DOCK5: variants seen among roughly 807,000 people sequenced by gnomAD.
DOCK5 encodes dedicator of cytokinesis 5, also known as dedicator of cytokinesis protein 5.
In DOCK5, 142 loss-of-function variants were observed where a neutral mutation model predicts 251.8. The observed-to-expected ratio is 0.56, with a 90% CI of 0.49 to 0.65. The LOEUF is 0.65. DOCK5 is among the 30% of genes least tolerant of loss of function. The pLI is 0.00. For missense variants in DOCK5, 2,111 were observed against 2,312.3 expected (o/e 0.91, Z 1.79); for synonymous variants, 842 against 835.5 (o/e 1.01, Z -0.13).
intron 47 of DOCK5, among the ~76,000 whole-genome samples, chr8:25,402,183 C>T (rs1420815615): frequency 6.6e-6 from 1 of 152,198 alleles, no homozygotes; most frequent in Non-Finnish European, 1.5e-5. Flanking sequence ...GGCTGAAGTG[C>T]AGTGCGAGAT....
intron 51 of DOCK5, 143 bp downstream of exon 51, chr8:25,410,345 G>C (rs1017222740): frequency 1.3e-5 from 9 of 686,320 alleles, no homozygotes; most frequent in African/African-American, 1.3e-4. Flanking sequence ...TGAAACCACA[G>C]GAGATAGAGA....
chr8:25,235,780 A>AT (rs975584398), intron 1 of DOCK5, among the ~76,000 whole-genome samples: 33 of 144,762 alleles, frequency 2.3e-4, no homozygotes, highest in African/African-American at 8.2e-4. Context: ...TAAGATAGAG[A>AT]TTTTTTTCTT....
chr8:25,243,423 C>T (rs986630165), intron 1 of DOCK5, among the ~76,000 whole-genome samples: 5 of 151,252 alleles, frequency 3.3e-5, no homozygotes, highest in East Asian at 1.9e-4. Flanking sequence ...CTCTGCTGCC[C>T]GGGTTCAAGC....
At chr8:25,250,758 G>GTGCT (rs1387730744) in intron 2 of DOCK5, among the ~76,000 whole-genome samples, 25 of 152,182 alleles carry the variant, frequency 1.6e-4, no homozygotes, top group Admixed American at 1.3e-3. Context: ...ATTCAGATAT[G>GTGCT]TGCTTACAAA....
chr8:25,368,981 A>G (rs1311293113), intron 33 of DOCK5, among the ~76,000 whole-genome samples: 1 of 152,248 alleles, frequency 6.6e-6, no homozygotes, highest in African/African-American at 2.4e-5. Context: ...AGTTAACTTC[A>G]TGCATTTTAA....
intron 1 of DOCK5, among the ~76,000 whole-genome samples, chr8:25,220,090 G>C (rs905967937): frequency 6.6e-6 from 1 of 151,422 alleles, no homozygotes; most frequent in African/African-American, 2.4e-5. Context: ...TGATCGCTTT[G>C]ATATTATTAT....
At chr8:25,193,218 T>G (rs1450007028) in intron 1 of DOCK5, among the ~76,000 whole-genome samples, 1 of 152,182 alleles carries the variant, frequency 6.6e-6, no homozygotes, top group Non-Finnish European at 1.5e-5. Flanking sequence ...CATCAGCCAA[T>G]CAATACATAA....
intron 38 of DOCK5, 91 bp from the exon 39 acceptor site, chr8:25,380,214 G>T (rs995230070): frequency 3.2e-5 from 37 of 1,141,258 alleles, no homozygotes; most frequent in Non-Finnish European, 3.2e-5. Flanking sequence ...CAGACCACTT[G>T]CTCATTCCCA....
chr8:25,323,272 C>T (rs2117203713), intron 16 of DOCK5, among the ~76,000 whole-genome samples: 1 of 152,300 alleles, frequency 6.6e-6, no homozygotes, highest in East Asian at 1.9e-4. Context: ...AAACTTTGGG[C>T]AGCACCATAA....
At chr8:25,207,119 T>A (rs913239915) in intron 1 of DOCK5, among the ~76,000 whole-genome samples, 3 of 152,202 alleles carry the variant, frequency 2.0e-5, no homozygotes, top group African/African-American at 7.2e-5. Flanking sequence ...TTTCTATGAA[T>A]GCAGACATAC....
At chr8:25,405,771 T>A (rs916325763) in intron 48 of DOCK5, among the ~76,000 whole-genome samples, 1 of 152,104 alleles carries the variant, frequency 6.6e-6, no homozygotes, top group African/African-American at 2.4e-5. Context: ...TTTCCATATG[T>A]TCAAATTTAA....
chr8:25,412,271 T>A lies in DOCK5; in HGVS notation c.*973T>A, dbSNP rs988281576. ...TTTCTCTTTGATTATTTATTCCTCT[T>A]GATTGTGGAATTAATTTGATTGCTT... On this transcript the variant is annotated 3_prime_UTR_variant, in exon 52 of 52. Coordinates refer to ENST00000276440, the MANE Select transcript of DOCK5 (RefSeq NM_024940.8). 6.6e-5 allele frequency: 10 copies of A among 152,126 alleles called. No homozygotes were observed. Among genetic ancestry groups the A allele is most frequent in the African/African-American group, 2.4e-4 (10 of 41,426 alleles). 9.4% of individuals were successfully genotyped at this position (152,126 alleles called of 1,614,324 possible). A position where few individuals can be genotyped will look rare whatever the true frequency, so the allele number is the denominator to read the frequency against.
chr8:25,309,226 C>A (rs566975935), intron 12 of DOCK5, among the ~76,000 whole-genome samples: 83 of 151,974 alleles, frequency 5.5e-4, no homozygotes, highest in African/African-American at 2.0e-3. Context: ...ATGTTGTCAC[C>A]CAGGCTGGAG....
intron 5 of DOCK5, among the ~76,000 whole-genome samples, chr8:25,281,885 A>G (rs1586291774): frequency 1.8e-5 from 1 of 54,290 alleles, no homozygotes; most frequent in African/African-American, 6.0e-5. Context: ...TTTAAAAAAA[A>G]AAAGAAAAAA....
chr8:25,238,482 C>G (rs1000289575), intron 1 of DOCK5, among the ~76,000 whole-genome samples: 1 of 152,208 alleles, frequency 6.6e-6, no homozygotes, highest in Non-Finnish European at 1.5e-5. Flanking sequence ...GATTGGAAAT[C>G]TTGTTTGTGC....
chr8:25,200,333 A>AT (rs1459387840), intron 1 of DOCK5, among the ~76,000 whole-genome samples: 1 of 152,214 alleles, frequency 6.6e-6, no homozygotes, highest in East Asian at 1.9e-4. Context: ...TTATAGCATT[A>AT]TTTATACCAA....
At chr8:25,410,317 C>T (rs548155366) in intron 51 of DOCK5, 115 bp downstream of exon 51, 208 of 801,812 alleles carry the variant, frequency 2.6e-4, no homozygotes, top group Non-Finnish European at 3.8e-4. Context: ...TCACTGCAGT[C>T]GATTCTTGGC....
At chr8:25,205,045 T>G (rs1245529838) in intron 1 of DOCK5, among the ~76,000 whole-genome samples, 2 of 152,050 alleles carry the variant, frequency 1.3e-5, no homozygotes, top group African/African-American at 4.8e-5. Context: ...AAAAATTATT[T>G]TTAAAAATGT....
intron 17 of DOCK5, 73 bp downstream of exon 17, chr8:25,324,024 T>C: frequency 7.0e-7 from 1 of 1,435,516 alleles, no homozygotes; most frequent in Non-Finnish European, 9.3e-7. Flanking sequence ...TTCATATTTA[T>C]TTGTACAAAC....
Sources: gnomAD v4.1 joint callset for allele counts (sites outside exome capture counted in the v4.1 genomes callset) on GRCh38, gnomAD v4.1.1 for gene constraint, MANE v1.5 for transcripts, NCBI Gene and HGNC (gene_info 2026-07-23, HGNC 2026-07-21) for gene names.